Variants in CACNA2D3 observed in about 807,000 individuals in gnomAD.
CACNA2D3 encodes the protein voltage-dependent calcium channel subunit alpha-2/delta-3.
CACNA2D3 carries 60 observed loss-of-function variants against 160.6 expected under a neutral mutation model. The observed-to-expected ratio is 0.37, with a 90% CI of 0.30 to 0.46. The LOEUF is 0.46. CACNA2D3 is among the 20% of genes least tolerant of loss of function. The pLI is 1.00. For synonymous variants in CACNA2D3, 558 were observed against 492.9 expected (o/e 1.13, Z -1.75); for missense variants, 1,205 against 1,365.0 (o/e 0.88, Z 1.85).
chr3:54,283,004 TC>T (rs1404166494), intron 2 of CACNA2D3, among the ~76,000 whole-genome samples: 1 of 152,198 alleles, frequency 6.6e-6, no homozygotes, highest in Non-Finnish European at 1.5e-5. Flanking sequence ...AGGGTACATT[TC>T]CCTTTTGATG....
chr3:54,777,275 A>G (rs1702442381), intron 13 of CACNA2D3, among the ~76,000 whole-genome samples: 1 of 152,230 alleles, frequency 6.6e-6, no homozygotes, highest in Non-Finnish European at 1.5e-5. Flanking sequence ...TCTATTTAAA[A>G]GTAGCAGAGA....
intron 14 of CACNA2D3, among the ~76,000 whole-genome samples, chr3:54,822,127 T>C (rs1458801710): frequency 6.6e-6 from 1 of 152,218 alleles, no homozygotes; most frequent in Non-Finnish European, 1.5e-5. Flanking sequence ...AACCCTATTT[T>C]TCTCCTTATC....
intron 2 of CACNA2D3, among the ~76,000 whole-genome samples, chr3:54,141,080 TGTGTGTGCGCGCGCGCGC>T (rs372981845): frequency 0.053 from 6,688 of 125,304 alleles, 176 homozygotes; most frequent in Admixed American, 0.1. Context: ...TGTGTGTGTG[TGTGTGTGCGCGCGCGCGC>T]GTGTGTGCAT....
intron 2 of CACNA2D3, among the ~76,000 whole-genome samples, chr3:54,290,825 C>T (rs901843644): frequency 2.5e-4 from 38 of 151,944 alleles, no homozygotes; most frequent in Middle Eastern, 3.4e-3. Flanking sequence ...AACCAAACAC[C>T]GCATGTTCTC....
At chr3:54,792,422 G>A (rs1702776324) in intron 13 of CACNA2D3, among the ~76,000 whole-genome samples, 1 of 152,140 alleles carries the variant, frequency 6.6e-6, no homozygotes, top group South Asian at 2.1e-4. Context: ...CAGAATTCCA[G>A]GTTGGCCAGA....
At chr3:55,018,711 C>T (rs1157441872) in intron 35 of CACNA2D3, among the ~76,000 whole-genome samples, 1 of 151,932 alleles carries the variant, frequency 6.6e-6, no homozygotes, top group Non-Finnish European at 1.5e-5. Context: ...GGAAATGTTT[C>T]TTGGTGGTTG....
chr3:54,857,207 G>A (rs1412839996), intron 17 of CACNA2D3, among the ~76,000 whole-genome samples: 1 of 152,182 alleles, frequency 6.6e-6, no homozygotes, highest in Non-Finnish European at 1.5e-5. Flanking sequence ...TCTGGAATCT[G>A]TTCATAGATT....
intron 27 of CACNA2D3, among the ~76,000 whole-genome samples, chr3:54,960,247 G>A (rs1390382184): frequency 1.3e-5 from 2 of 152,138 alleles, no homozygotes; most frequent in South Asian, 2.1e-4. Flanking sequence ...TGTCAATGGT[G>A]TGATAATGTG....
chr3:54,941,426 A>C (rs1397224094), intron 27 of CACNA2D3, among the ~76,000 whole-genome samples: 1 of 152,216 alleles, frequency 6.6e-6, no homozygotes, highest in Non-Finnish European at 1.5e-5. Flanking sequence ...CGCTATTTTC[A>C]AACTACTTAT....
intron 13 of CACNA2D3, among the ~76,000 whole-genome samples, chr3:54,766,954 A>G (rs1702236696): frequency 6.6e-6 from 1 of 151,284 alleles, no homozygotes; most frequent in Non-Finnish European, 1.5e-5. Context: ...AAGAAAAAGC[A>G]AAAACAAGAA....
At chr3:54,470,932 C>A (rs1377527580) in intron 4 of CACNA2D3, among the ~76,000 whole-genome samples, 1 of 152,132 alleles carries the variant, frequency 6.6e-6, no homozygotes, top group African/African-American at 2.4e-5. Flanking sequence ...TAGAGACCTA[C>A]AAAGAGACTT....
chr3:54,928,867 G>A (rs919378079), intron 27 of CACNA2D3, among the ~76,000 whole-genome samples: 3 of 152,166 alleles, frequency 2.0e-5, no homozygotes, highest in Non-Finnish European at 2.9e-5. Context: ...TCAGGCGTCA[G>A]TCGACTGTGA....
chr3:54,484,971 C>T (rs1331010468), intron 4 of CACNA2D3, among the ~76,000 whole-genome samples: 5 of 151,726 alleles, frequency 3.3e-5, no homozygotes, highest in East Asian at 1.9e-4. Flanking sequence ...CTCAGCCTCC[C>T]GAGTAGCTGG....
chr3:54,815,753 A>G (rs1042038819), intron 13 of CACNA2D3, among the ~76,000 whole-genome samples: 1 of 152,198 alleles, frequency 6.6e-6, no homozygotes, highest in Non-Finnish European at 1.5e-5. Flanking sequence ...TAAAACAGGG[A>G]TACCTAGCAT....
chr3:54,936,279 G>A (rs74863045), intron 27 of CACNA2D3, among the ~76,000 whole-genome samples: 205 of 152,184 alleles, frequency 1.3e-3, no homozygotes, highest in African/African-American at 4.8e-3. Flanking sequence ...TAATCTGCTT[G>A]GTACAAAAAC....
chr3:54,780,204 T>C (rs1013224918), intron 13 of CACNA2D3, among the ~76,000 whole-genome samples: 1 of 152,254 alleles, frequency 6.6e-6, no homozygotes, highest in East Asian at 1.9e-4. Flanking sequence ...GTCATATTTG[T>C]CTTTCCTTTT....
At chr3:54,997,018 G>A (rs951967835) in intron 31 of CACNA2D3, among the ~76,000 whole-genome samples, 1 of 151,844 alleles carries the variant, frequency 6.6e-6, no homozygotes, top group African/African-American at 2.4e-5. Flanking sequence ...ACCGGGGCCT[G>A]TCAGGGGGTG....
At chr3:54,962,175 T>C (rs531557001) in intron 27 of CACNA2D3, among the ~76,000 whole-genome samples, 1 of 152,316 alleles carries the variant, frequency 6.6e-6, no homozygotes, top group South Asian at 2.1e-4. Flanking sequence ...GAGATCAAAT[T>C]TTAACATGAG....
intron 3 of CACNA2D3, among the ~76,000 whole-genome samples, chr3:54,329,068 C>A (rs1166929639): frequency 6.6e-6 from 1 of 152,182 alleles, no homozygotes; most frequent in Non-Finnish European, 1.5e-5. Flanking sequence ...GTTGTCTGAG[C>A]ACCCAGACTG....
Sources: gnomAD v4.1 joint callset for allele counts (sites outside exome capture counted in the v4.1 genomes callset) on GRCh38, gnomAD v4.1.1 for gene constraint, MANE v1.5 for transcripts, NCBI Gene and HGNC (gene_info 2026-07-23, HGNC 2026-07-21) for gene names.